CBFA2T3: variants seen among roughly 807,000 people sequenced by gnomAD.
The protein encoded by CBFA2T3 is CBFA2/RUNX1 partner transcriptional co-repressor 3.
CBFA2T3 carries 31 observed loss-of-function variants against 58.6 expected under a neutral mutation model. That is an observed-to-expected ratio of 0.53 (90% CI 0.40 to 0.71). The LOEUF (loss-of-function observed/expected upper bound fraction) is 0.71, where lower values mean the gene tolerates loss of function less well. Ranked by LOEUF, CBFA2T3 falls within the 30% of genes least tolerant of loss-of-function variation. The pLI, the probability that CBFA2T3 is intolerant of heterozygous loss-of-function variation, is 0.00. For synonymous variants in CBFA2T3, 531 were observed against 421.9 expected (o/e 1.26, Z -3.17); for missense variants, 1,076 against 963.1 (o/e 1.12, Z -1.55).
At chr16:88,922,338 G>C (rs553052018) in intron 1 of CBFA2T3, among the ~76,000 whole-genome samples, 1 of 152,362 alleles carries the variant, frequency 6.6e-6, no homozygotes, top group African/African-American at 2.4e-5. Context: ...CCAGCAGCAG[G>C]GCCTAGGATC....
At position 88,885,642 on chromosome 16, in the gene CBFA2T3, G is replaced by C. The variant is rs1969335984; in HGVS notation, c.893+319C>G. The C allele has an allele frequency of 2.3e-6, 1 of 434,644 alleles. No individual in the cohort carries two copies. Among genetic ancestry groups the C allele is most frequent in the Non-Finnish European group, 4.1e-6 (1 of 242,518 alleles). 26.9% of individuals were successfully genotyped at this position (434,644 alleles called of 1,614,324 possible). A position where few individuals can be genotyped will look rare whatever the true frequency, so the allele number is the denominator to read the frequency against. On this transcript the variant is annotated intron_variant, in intron 6 of 11. Coordinates refer to ENST00000268679, the MANE Select transcript of CBFA2T3 (RefSeq NM_005187.6). The surrounding 1 kb of genome is among the most constrained non-coding windows in gnomAD (Gnocchi z 5.3). ...CGTCTGGGGCAGCAGAGGGGGCCCA[G>C]CCCAGGCACCTGGGGACCATGGACC...
At chr16:88,944,011 T>C (rs1321155740) in intron 1 of CBFA2T3, among the ~76,000 whole-genome samples, 1 of 151,952 alleles carries the variant, frequency 6.6e-6, no homozygotes, top group Non-Finnish European at 1.5e-5. Context: ...AGTGTGTCGC[T>C]GTCTGTAGAG....
chr16:88,923,548 G>A (rs1292383160), intron 1 of CBFA2T3, among the ~76,000 whole-genome samples: 2 of 152,246 alleles, frequency 1.3e-5, no homozygotes, highest in Non-Finnish European at 2.9e-5. Flanking sequence ...CCTGCTGTGT[G>A]AGCTGGGGAG....
Position 88,892,325 on chromosome 16 carries a change from G to A in CBFA2T3, c.540C>T (p.Phe180=), listed in dbSNP as rs976140894. ...GARQLSKLKR[F]LTTLQQFGSD... ...TGCCAAACTGCTGCAGTGTGGTGAG[G>A]AAGCGCTTGAGCTTGCTGAGCTGCC... The change falls in exon 4 of 12, where the codon TTC becomes TTT. Residue 180 remains phenylalanine (F), a synonymous_variant. Coordinates refer to ENST00000268679, the MANE Select transcript of CBFA2T3 (RefSeq NM_005187.6). 6.2e-7 allele frequency: 1 copy of A among 1,613,172 alleles called. No individual in the cohort carries two copies. The highest frequency in any genetic ancestry group is 1.7e-5 in the Admixed American group (1 of 60,008).
chr16:88,916,625 G>A (rs1399309859), intron 1 of CBFA2T3, among the ~76,000 whole-genome samples: 3 of 134,786 alleles, frequency 2.2e-5, no homozygotes, highest in East Asian at 2.5e-4. Flanking sequence ...GAAGAAGGGC[G>A]GCCCCTGGGG....
chr16:88,930,387 G>A (rs897211926), intron 1 of CBFA2T3, among the ~76,000 whole-genome samples: 1 of 151,662 alleles, frequency 6.6e-6, no homozygotes, highest in African/African-American at 2.4e-5. Context: ...CATCGTCCAC[G>A]CAAAAGCTAC....
intron 1 of CBFA2T3, among the ~76,000 whole-genome samples, chr16:88,975,537 C>G (rs1256426267): frequency 2.0e-5 from 3 of 152,276 alleles, no homozygotes; most frequent in Non-Finnish European, 2.9e-5. Context: ...AGGGGATAGA[C>G]AGGGCCGCTC....
At chr16:88,933,865 C>T (rs1971395531) in intron 1 of CBFA2T3, among the ~76,000 whole-genome samples, 1 of 152,060 alleles carries the variant, frequency 6.6e-6, no homozygotes. Flanking sequence ...TGCAGTACAG[C>T]AGCCGCAAGC....
intron 1 of CBFA2T3, among the ~76,000 whole-genome samples, chr16:88,913,464 C>G (rs1315922340): frequency 6.6e-6 from 1 of 152,216 alleles, no homozygotes; most frequent in Non-Finnish European, 1.5e-5. Flanking sequence ...CACTTTGGTA[C>G]TTAGAATCTC....
At chr16:88,896,223 C>T (rs534858467) in intron 3 of CBFA2T3, among the ~76,000 whole-genome samples, 59 of 152,250 alleles carry the variant, frequency 3.9e-4, no homozygotes, top group Middle Eastern at 6.8e-3. Flanking sequence ...ACTTTCCCTA[C>T]GGGGGGGCTG....
chr16:88,882,578 G>A (rs1567575335), intron 8 of CBFA2T3, 98 bp downstream of exon 8: 11 of 428,900 alleles, frequency 2.6e-5, no homozygotes, highest in Middle Eastern at 7.4e-4. Context: ...GGCTGTGGGC[G>A]TGGCTGTGTG....
chr16:88,882,022 G>C (rs1969105279), intron 8 of CBFA2T3, among the ~76,000 whole-genome samples: 1 of 152,266 alleles, frequency 6.6e-6, no homozygotes, highest in South Asian at 2.1e-4. Context: ...ACTCTGGGAA[G>C]AGCCAGTGAG....
chr16:88,891,074 C>A (rs990877299), intron 5 of CBFA2T3, among the ~76,000 whole-genome samples: 3 of 152,162 alleles, frequency 2.0e-5, no homozygotes, highest in Non-Finnish European at 4.4e-5. Flanking sequence ...CACGGTTGAT[C>A]TGGGTGTGAC....
At chr16:88,920,950 TCCA>T (rs938088844) in intron 1 of CBFA2T3, among the ~76,000 whole-genome samples, 4 of 152,236 alleles carry the variant, frequency 2.6e-5, no homozygotes, top group African/African-American at 9.6e-5. Flanking sequence ...GACGGGTGTC[TCCA>T]CAACCTGGAA....
intron 1 of CBFA2T3, among the ~76,000 whole-genome samples, chr16:88,931,808 C>G (rs1971315459): frequency 2.0e-5 from 3 of 152,126 alleles, no homozygotes; most frequent in Admixed American, 2.0e-4. Context: ...CCCAGTGAGC[C>G]CTGGTGTCAC....
At chr16:88,900,735 C>T (rs1037573369) in intron 2 of CBFA2T3, among the ~76,000 whole-genome samples, 1 of 152,312 alleles carries the variant, frequency 6.6e-6, no homozygotes, top group African/African-American at 2.4e-5. Context: ...ACGCTGCCAC[C>T]CCGCCGGCCC....
At chr16:88,914,601 G>C (rs1970631493) in intron 1 of CBFA2T3, among the ~76,000 whole-genome samples, 1 of 152,222 alleles carries the variant, frequency 6.6e-6, no homozygotes, top group South Asian at 2.1e-4. Context: ...AAGCGACCAG[G>C]GTGAGTCTGG....
chr16:88,882,475 G>C (rs1969141594), intron 8 of CBFA2T3, among the ~76,000 whole-genome samples: 1 of 145,644 alleles, frequency 6.9e-6, no homozygotes, highest in African/African-American at 2.5e-5. Context: ...GCGTGGGGGT[G>C]GCTGTGTGTG....
rs1969162149 is a variant in CBFA2T3 at position 88,882,587 on chromosome 16, TGTGCATGGCTGTG to T, written c.1203+76_1203+88del. The T allele has an allele frequency of 5.3e-5, 22 of 416,174 alleles. No homozygotes were observed. In the South Asian group the frequency reaches 6.0e-4, roughly 11 times the overall value. The allele number at this position is 416,174 out of a possible 1,614,324, so 25.8% of individuals were successfully genotyped here. A position where few individuals can be genotyped will look rare whatever the true frequency, so the allele number is the denominator to read the frequency against. ...GGGCATGGCTGTGGGCGTGGCTGTG[TGTGCATGGCTGTG>T]TGTGCGTGGCTGTGTGTGTGCGTGG... On this transcript the variant is annotated intron_variant, in intron 8 of 11. Coordinates refer to ENST00000268679, the MANE Select transcript of CBFA2T3 (RefSeq NM_005187.6).
Sources: gnomAD v4.1 joint callset for allele counts (sites outside exome capture counted in the v4.1 genomes callset) on GRCh38, gnomAD v4.1.1 for gene constraint, Gnocchi (gnomAD v3.1) non-coding constraint, MANE v1.5 for transcripts, NCBI Gene and HGNC (gene_info 2026-07-23, HGNC 2026-07-21) for gene names.